RALYL: variants seen among roughly 807,000 people sequenced by gnomAD.
RALYL encodes the protein RNA-binding Raly-like protein.
In RALYL, 29 loss-of-function variants were observed where a neutral mutation model predicts 35.1. The ratio of observed to expected loss-of-function variants is 0.83; its 90% CI spans 0.61 to 1.13. The LOEUF (loss-of-function observed/expected upper bound fraction) is 1.13. RALYL is among the 50% of genes most tolerant of loss of function. The pLI is 0.00. For synonymous variants in RALYL, 120 were observed against 127.6 expected (o/e 0.94, Z 0.40); for missense variants, 359 against 360.4 (o/e 1.00, Z 0.03).
intron 1 of RALYL, among the ~76,000 whole-genome samples, chr8:84,304,319 G>T (rs892753365): frequency 6.6e-6 from 1 of 151,888 alleles, no homozygotes; most frequent in Non-Finnish European, 1.5e-5. Flanking sequence ...AGGTTTCACC[G>T]TGTTAGTCAG....
intron 2 of RALYL, among the ~76,000 whole-genome samples, chr8:84,737,520 T>G (rs1008294249): frequency 6.6e-6 from 1 of 151,992 alleles, no homozygotes; most frequent in Non-Finnish European, 1.5e-5. Flanking sequence ...ATATATTAAG[T>G]AAAGGACATT....
At chr8:84,506,811 AT>A in intron 1 of RALYL, among the ~76,000 whole-genome samples, 1 of 151,838 alleles carries the variant, frequency 6.6e-6, no homozygotes, top group Non-Finnish European at 1.5e-5. Context: ...TATTTTTTTG[AT>A]TGACCCCTTT....
At chr8:84,891,315 C>A (rs1251903680) in intron 8 of RALYL, among the ~76,000 whole-genome samples, 1 of 152,196 alleles carries the variant, frequency 6.6e-6, no homozygotes, top group Non-Finnish European at 1.5e-5. Flanking sequence ...TCCAATTGAA[C>A]TACCTAACCA....
At chr8:84,610,891 T>A (rs1280089470) in intron 2 of RALYL, among the ~76,000 whole-genome samples, 1 of 151,976 alleles carries the variant, frequency 6.6e-6, no homozygotes, top group Admixed American at 6.6e-5. Context: ...TGTGTGTATA[T>A]TTTGTTTGTT....
At chr8:84,760,270 G>T (rs1812379233) in intron 2 of RALYL, among the ~76,000 whole-genome samples, 1 of 151,930 alleles carries the variant, frequency 6.6e-6, no homozygotes, top group African/African-American at 2.4e-5. Context: ...AATTTGGGTG[G>T]AACAGAGCAT....
chr8:84,189,372 A>G (rs1011712622), intron 1 of RALYL, among the ~76,000 whole-genome samples: 2 of 152,248 alleles, frequency 1.3e-5, no homozygotes, highest in Non-Finnish European at 2.9e-5. Context: ...CCATGTGTTT[A>G]GAGAAAATGT....
chr8:84,603,761 T>C (rs1816503685), intron 2 of RALYL, among the ~76,000 whole-genome samples: 1 of 152,134 alleles, frequency 6.6e-6, no homozygotes, highest in African/African-American at 2.4e-5. Context: ...ATTTGCACTA[T>C]GGGCTGCAGA....
At chr8:84,635,315 G>T (rs1175513953) in intron 2 of RALYL, among the ~76,000 whole-genome samples, 3 of 151,142 alleles carry the variant, frequency 2.0e-5, no homozygotes, top group African/African-American at 7.3e-5. Context: ...CAATTGTTTA[G>T]AACACCTGCC....
At chr8:84,782,119 T>C (rs1818331954) in intron 3 of RALYL, among the ~76,000 whole-genome samples, 1 of 152,150 alleles carries the variant, frequency 6.6e-6, no homozygotes, top group Non-Finnish European at 1.5e-5. Context: ...TCACACGATA[T>C]TCCTTTCCTT....
rs543154067 is a variant in RALYL at position 84,345,983 on chromosome 8, G to A, written c.-24+161559G>A. The A allele has an allele frequency of 3.1e-5, 21 of 672,152 alleles. No homozygotes were observed. The East Asian group carries it at 4.1e-4, about 13-fold the overall frequency. 41.6% of individuals were successfully genotyped at this position (672,152 alleles called of 1,614,324 possible). On this transcript the variant is annotated intron_variant, in intron 1 of 8. Transcript: ENST00000521268. The stretch of plus-strand genomic sequence containing the variant: ...ACCTTCACTCAACCCTCCAATCCTC[G>A]TTGATTTACCTCCTTGGGACAATTA...
intron 3 of RALYL, among the ~76,000 whole-genome samples, chr8:84,777,105 C>G (rs1817012043): frequency 6.6e-6 from 1 of 152,196 alleles, no homozygotes; most frequent in Non-Finnish European, 1.5e-5. Flanking sequence ...CATCAGATAA[C>G]TCTACAAAAT....
intron 1 of RALYL, among the ~76,000 whole-genome samples, chr8:84,341,558 TATAAC>T (rs1267353254): frequency 2.6e-5 from 4 of 152,050 alleles, no homozygotes; most frequent in Non-Finnish European, 4.4e-5. Flanking sequence ...ACAATTCTGT[TATAAC>T]ATACCATTTG....
intron 1 of RALYL, among the ~76,000 whole-genome samples, chr8:84,390,451 G>A (rs1293821966): frequency 1.3e-5 from 2 of 152,166 alleles, no homozygotes; most frequent in African/African-American, 4.8e-5. Flanking sequence ...GGTGGAATTC[G>A]GCTGTGAATC....
At chr8:84,878,088 C>T (rs1001025030) in intron 7 of RALYL, among the ~76,000 whole-genome samples, 4 of 152,042 alleles carry the variant, frequency 2.6e-5, no homozygotes, top group African/African-American at 9.7e-5. Context: ...GCATCATATT[C>T]CCCTGGAAAA....
In RALYL at chr8:84,481,857, G is replaced by T. The variant is rs532576739; in HGVS notation, c.-23-47442G>T. The stretch of plus-strand genomic sequence containing the variant: ...GAATTGACAAGAAAATATTCTCAGT[G>T]GTAGAAATGTTCTATATTGTGATTG... On this transcript the variant is annotated intron_variant, in intron 1 of 8. Transcript: ENST00000521268. Among the ~76,000 whole-genome samples the T allele has an allele frequency of 1.6e-4, 24 of 152,134 alleles. No homozygotes were observed. In the South Asian group the frequency reaches 4.4e-3, roughly 28 times the overall value.
At chr8:84,617,446 T>C (rs1192737374) in intron 2 of RALYL, among the ~76,000 whole-genome samples, 1 of 148,762 alleles carries the variant, frequency 6.7e-6, no homozygotes, top group Non-Finnish European at 1.5e-5. Context: ...TGATTTTGTA[T>C]CCTGAGACTT....
chr8:84,436,543 G>GGT (rs2047734256), intron 1 of RALYL, among the ~76,000 whole-genome samples: 2 of 62,394 alleles, frequency 3.2e-5, no homozygotes, highest in Non-Finnish European at 5.5e-5. Context: ...AATCATGGGA[G>GGT]TTTTTTTTTT....
At chr8:84,678,088 C>T (rs1834576478) in intron 2 of RALYL, among the ~76,000 whole-genome samples, 1 of 151,726 alleles carries the variant, frequency 6.6e-6, no homozygotes, top group Non-Finnish European at 1.5e-5. Flanking sequence ...TTTCAAATTC[C>T]ACCGATATCA....
intron 1 of RALYL, among the ~76,000 whole-genome samples, chr8:84,209,379 A>C (rs1040344419): frequency 1.4e-4 from 22 of 152,134 alleles, no homozygotes; most frequent in African/African-American, 5.3e-4. Flanking sequence ...AAAAAACACA[A>C]ATTTAGAATC....
Sources: gnomAD v4.1 joint callset for allele counts (sites outside exome capture counted in the v4.1 genomes callset) on GRCh38, gnomAD v4.1.1 for gene constraint, MANE v1.5 for transcripts, NCBI Gene and HGNC (gene_info 2026-07-23, HGNC 2026-07-21) for gene names.